Variants in MYH2 observed in about 807,000 individuals in gnomAD.
MYH2 encodes the protein myosin heavy chain 2.
MYH2 carries 139 observed loss-of-function variants against 228.1 expected under a neutral mutation model. The ratio of observed to expected loss-of-function variants is 0.61; its 90% CI spans 0.53 to 0.70. The LOEUF is 0.70. Ranked by LOEUF, MYH2 falls within the 30% of genes least tolerant of loss-of-function variation. MYH2 has a pLI of 0.00. For synonymous variants in MYH2, 796 were observed against 871.1 expected (o/e 0.91, Z 1.52); for missense variants, 1,809 against 2,357.5 (o/e 0.77, Z 4.82).
rs75608430 is a variant in MYH2 at position 10,527,179 on chromosome 17, C to T, written c.3872-123G>A. ...AGTGCTCAGATGGTTGAATTCTATA[C>T]TGACATCTTCATGCTCAATGCAGGT... On this transcript the variant is annotated intron_variant, in intron 28 of 39. Transcript: ENST00000245503. 0.011 allele frequency: 9,450 copies of T among 834,420 alleles called. 297 individuals are homozygous for T. Among genetic ancestry groups the T allele is most frequent in the East Asian group, 0.089 (3,545 of 39,814 alleles). 51.7% of individuals were successfully genotyped at this position (834,420 alleles called of 1,614,324 possible).
intron 4 of MYH2, among the ~76,000 whole-genome samples, chr17:10,546,722 C>T (rs8075891): frequency 0.35 from 53,335 of 150,752 alleles, 10,372 homozygotes; most frequent in East Asian, 0.8. Flanking sequence ...GGGACCAGAA[C>T]ACACAGATAC....
At position 10,543,155 on chromosome 17, in the gene MYH2, A is replaced by G; in HGVS notation, c.748T>C (p.Phe250Leu). 1 of 1,608,800 alleles carries G rather than the reference A, an allele frequency of 6.2e-7. No homozygotes were observed. The highest frequency in any genetic ancestry group is 1.1e-5 in the South Asian group (1 of 89,962). Residue 250 changes from phenylalanine (F) to leucine (L), a missense_variant, in exon 9 of 40, where the codon TTC (phenylalanine) becomes CTC (leucine). By Grantham distance (22) the Phe-to-Leu change is conservative. Around this residue, in one of 9 missense-constraint regions of MYH2, gnomAD observed 373 missense variants for 620.4 expected, o/e 0.60. Coordinates refer to ENST00000245503, the MANE Select transcript of MYH2 (RefSeq NM_017534.6). ...GTAGTGCCAAAGTGGATTCTGATGA[A>G]TTTACCCTTGAAATAAAAGCTAATA... ...RNDNSSRFGK[F>L]IRIHFGTTGK...
rs779740672 is a variant in MYH2 at position 10,537,283 on chromosome 17, G to C, written c.1847C>G (p.Ala616Gly). ...ETVVGLYQKS[A>G]MKTLAQLFSG... ...GAAGAGCTGAGCTAGAGTTTTCATT[G>C]CAGACTTCTGGTACAGTCCAACCAC... Residue 616 changes from alanine (A) to glycine (G), a missense_variant, in exon 16 of 40, where the codon GCA (alanine) becomes GGA (glycine). Physicochemically the swap from Ala to Gly is moderately conservative, Grantham distance 60 (BLOSUM62 0). Coordinates refer to ENST00000245503, the MANE Select transcript of MYH2 (RefSeq NM_017534.6). This position sits in a 1 kb window ranked among gnomAD's most constrained non-coding sequence, Gnocchi z 4.0. 2 of 1,614,214 alleles carry C rather than the reference G, an allele frequency of 1.2e-6. No homozygotes were observed. The highest frequency in any genetic ancestry group is 3.3e-5 in the Admixed American group (2 of 60,012).
chr17:10,539,711 T>G, intron 12 of MYH2, 149 bp from the exon 13 acceptor site: 1 of 1,176,846 alleles, frequency 8.5e-7, no homozygotes, highest in Non-Finnish European at 1.2e-6. Flanking sequence ...AGTTCAAGTT[T>G]TTGATTATGG....
Position 10,523,343 on chromosome 17 carries a change from T to C in MYH2, c.5542A>G (p.Lys1848Glu). The change falls in exon 38 of 40, where the codon AAA becomes GAA. Residue 1848 changes from lysine (K) to glutamate (E), a missense_variant. By Grantham distance (56) the Lys-to-Glu change is moderately conservative. Transcript: ENST00000245503. ...AGTTCCTTCACTCGCCTCTCATGTTTGCGCAGACCTTTGACAGCCTCAGCA... is the reference window on the plus strand; with the variant it reads ...AGTTCCTTCACTCGCCTCTCATGTTCGCGCAGACCTTTGACAGCCTCAGCA... ...RNAEAVKGLRKHERRVKELTY... is the reference protein window; with the variant it reads ...RNAEAVKGLREHERRVKELTY... 3 of 1,614,236 alleles carry C rather than the reference T, an allele frequency of 1.9e-6. No individual in the cohort carries two copies. The highest frequency in any genetic ancestry group is 2.5e-6 in the Non-Finnish European group (3 of 1,180,044).
chr17:10,539,451 A>G lies in MYH2; in HGVS notation c.1259T>C (p.Val420Ala), dbSNP rs1271661102. Reference protein sequence around the residue: ...GNEYVTKGQTVEQVSNAVGAL... With the variant: ...GNEYVTKGQTAEQVSNAVGAL... The stretch of plus-strand genomic sequence containing the variant: ...TTTGAATTATGCACCTACCTGTTCT[A>G]CAGTCTGGCCTTTGGTGACATACTC... The change falls in exon 13 of 40, where the codon GTA becomes GCA. Residue 420 changes from valine (V) to alanine (A), a missense_variant. By Grantham distance (64) the Val-to-Ala change is moderately conservative. This residue lies in a region of MYH2 where 373 missense variants were observed against 620.4 expected (regional missense o/e 0.60). Coordinates refer to ENST00000245503, the MANE Select transcript of MYH2 (RefSeq NM_017534.6). 1.9e-6 allele frequency: 3 copies of G among 1,614,116 alleles called. No individual in the cohort carries two copies. Among genetic ancestry groups the G allele is most frequent in the Non-Finnish European group, 2.5e-6 (3 of 1,179,964 alleles).
chr17:10,535,647 C>T (rs974144699), intron 17 of MYH2, among the ~76,000 whole-genome samples: 1 of 152,168 alleles, frequency 6.6e-6, no homozygotes, highest in Admixed American at 6.5e-5. Context: ...TGGTCCCTGG[C>T]CATACACATA....
intron 4 of MYH2, among the ~76,000 whole-genome samples, chr17:10,547,259 A>G (rs2073647027): frequency 1.3e-5 from 2 of 152,200 alleles, no homozygotes; most frequent in Non-Finnish European, 1.5e-5. Context: ...CCTAGTCAAC[A>G]TGGACAGCGG....
chr17:10,543,642 A>G (rs1327910644), intron 8 of MYH2, 69 bp downstream of exon 8: 1 of 1,544,874 alleles, frequency 6.5e-7, no homozygotes, highest in East Asian at 2.3e-5. Flanking sequence ...GATTCAGAGA[A>G]TGTAATTACA....
In MYH2 at chr17:10,542,884, C is replaced by A; in HGVS notation, c.895G>T (p.Glu299Ter). 1 of 1,596,768 alleles carries A rather than the reference C, an allele frequency of 6.3e-7. No individual in the cohort carries two copies. The highest frequency in any genetic ancestry group is 1.1e-5 in the South Asian group (1 of 90,614). The change falls in exon 10 of 40, where the codon GAA becomes TAA. Residue 299 changes from glutamate (E) to a stop codon, truncating the protein, a stop_gained. Coordinates refer to ENST00000245503, the MANE Select transcript of MYH2 (RefSeq NM_017534.6). LOFTEE classifies it high-confidence loss of function. ...TTATGACATTTCTTACCAATAAGTT[C>A]TGGTTTCTTATTCGATGTAATCTGG... is the stretch of plus-strand genomic sequence containing the variant. ...FYQITSNKKP[E>*]LIEMLLITTN... is the part of the protein sequence containing the mutation.
Position 10,537,599 on chromosome 17 carries a change from A to G in MYH2, c.1588-57T>C, listed in dbSNP as rs2073497903. On this transcript the variant is annotated intron_variant, in intron 15 of 39. Transcript: ENST00000245503. The surrounding 1 kb of genome is among the most constrained non-coding windows in gnomAD (Gnocchi z 4.0). ...TTCTATTTTTTTTTCTGTCTATAGA[A>G]TTAAAATAAAAAGCAGCGAATAATA... 5 of 1,614,202 alleles carry G rather than the reference A, an allele frequency of 3.1e-6. No homozygotes were observed. The highest frequency in any genetic ancestry group is 2.2e-5 in the East Asian group (1 of 44,888).
At position 10,542,920 on chromosome 17, in the gene MYH2, G is replaced by A. The variant is rs868303168; in HGVS notation, c.859C>T (p.His287Tyr). The change falls in exon 10 of 40, where the codon CAT (histidine) becomes TAT (tyrosine). Residue 287 changes from histidine to tyrosine, a missense_variant. Coordinates refer to ENST00000245503, the MANE Select transcript of MYH2 (RefSeq NM_017534.6). The stretch of plus-strand genomic sequence containing the variant: ...TTCGATGTAATCTGGTAAAAAATAT[G>A]ATAACTTCTCTCAGCCTTAAGCTGG... ...VFQLKAERSY[H>Y]IFYQITSNKK... 6.2e-7 allele frequency: 1 copy of A among 1,612,422 alleles called. No homozygotes were observed. The highest frequency in any genetic ancestry group is 1.1e-5 in the South Asian group (1 of 90,968).
At chr17:10,521,887 C>T (rs1201090106) in intron 39 of MYH2, among the ~76,000 whole-genome samples, 1 of 151,722 alleles carries the variant, frequency 6.6e-6, no homozygotes, top group East Asian at 1.9e-4. Flanking sequence ...TACTTTTTTC[C>T]TCCTGCATTG....
chr17:10,523,083 T>C lies in MYH2; in HGVS notation c.5673+7A>G, dbSNP rs751866916. 1.3e-6 allele frequency: 2 copies of C among 1,598,062 alleles called. No individual in the cohort carries two copies. Among genetic ancestry groups the C allele is most frequent in the Non-Finnish European group, 1.7e-6 (2 of 1,165,348 alleles). ...AATTTGAGGACTTCAATCTTAAAAA[T>C]ACTTACAGCCTCCTCAGCTTGTCTC... is the stretch of plus-strand genomic sequence containing the variant. On this transcript the variant is annotated splice_region_variant and intron_variant, in intron 39 of 39. Transcript: ENST00000245503.
rs1250462450 is a variant in MYH2, at chr17:10,543,925, C to T, written c.625G>A (p.Glu209Lys). 1.9e-6 allele frequency: 3 copies of T among 1,614,052 alleles called. No homozygotes were observed. The highest frequency in any genetic ancestry group is 1.3e-5 in the African/African-American group (1 of 74,930). ...ACCTGTATTTTGCCAGAAGTAATTT[C>T]TTCCTTCTTCTTCTCACCAGTAACT... ...IAVTGEKKKE[E>K]ITSGKIQGTL... Residue 209 changes from glutamate to lysine, a missense_variant, in exon 7 of 40, where the codon GAA becomes AAA. Physicochemically the swap from Glu to Lys is moderately conservative, Grantham distance 56. Transcript: ENST00000245503.
In MYH2 at chr17:10,523,203, G is replaced by T; in HGVS notation, c.5578-18C>A. 3 of 1,609,538 alleles carry T rather than the reference G, an allele frequency of 1.9e-6. No homozygotes were observed. The highest frequency in any genetic ancestry group is 2.6e-6 in the Non-Finnish European group (3 of 1,175,914). ...TCTTCCGTCTGAAAGATTATAAAAAGTCCAGGACCTTAATTACTAAAGCAC... is the reference window on the plus strand; with the variant it reads ...TCTTCCGTCTGAAAGATTATAAAAATTCCAGGACCTTAATTACTAAAGCAC... On this transcript the variant is annotated intron_variant, in intron 38 of 39. Coordinates refer to ENST00000245503, the MANE Select transcript of MYH2 (RefSeq NM_017534.6).
At position 10,521,262 on chromosome 17, in the gene MYH2, C is replaced by T. The variant is rs1567725484; in HGVS notation, c.*18G>A. On this transcript the variant is annotated 3_prime_UTR_variant, in exon 40 of 40. Transcript: ENST00000245503. ...ATTTTGTGCCTGTCTTCAGTCATTCCATGGCATCAGGACATGATCACTCTT... is the reference window on the plus strand; with the variant it reads ...ATTTTGTGCCTGTCTTCAGTCATTCTATGGCATCAGGACATGATCACTCTT... 1 of 1,612,930 alleles carries T rather than the reference C, an allele frequency of 6.2e-7. No homozygotes were observed. Among genetic ancestry groups the T allele is most frequent in the Non-Finnish European group, 8.5e-7 (1 of 1,179,888 alleles).
chr17:10,533,296 C>T lies in MYH2; in HGVS notation c.2430G>A (p.Met810Ile), dbSNP rs2073445153. Residue 810 changes from methionine (M) to isoleucine (I), a missense_variant, in exon 21 of 40, where the codon ATG (methionine) becomes ATA (isoleucine). Transcript: ENST00000245503. The part of the protein sequence containing the change: ...GFLARVEYQR[M>I]VERREAIFCI... ...CATATTTTTTATACCTTCTCTCCACCATCCTCTGGTACTCCACTCTTGCCA... is the reference window on the plus strand; with the variant it reads ...CATATTTTTTATACCTTCTCTCCACTATCCTCTGGTACTCCACTCTTGCCA... 3.7e-6 allele frequency: 6 copies of T among 1,614,158 alleles called. 1 individual carries two copies. In the East Asian group the frequency reaches 1.3e-4, roughly 36 times the overall value.
chr17:10,540,904 C>G (rs534272997), intron 10 of MYH2, among the ~76,000 whole-genome samples: 1 of 152,316 alleles, frequency 6.6e-6, no homozygotes, highest in Admixed American at 6.5e-5. Context: ...TTTATAATTT[C>G]TTACGCCTGT....
Sources: allele counts gnomAD v4.1 joint callset (sites outside exome capture counted in the v4.1 genomes callset), GRCh38; gene constraint gnomAD v4.1.1; regional missense constraint gnomAD v4.1.1; non-coding constraint Gnocchi (gnomAD v3.1); transcripts MANE v1.5; gene names NCBI Gene and HGNC (gene_info 2026-07-23, HGNC 2026-07-21).